PARD3: variants seen among roughly 807,000 people sequenced by gnomAD.
PARD3 encodes the protein partitioning defective 3 homolog.
Under a neutral mutation model 155.4 loss-of-function variants are expected in PARD3, and 75 were observed. The observed-to-expected ratio is 0.48, with a 90% confidence interval of 0.40 to 0.58. The LOEUF is 0.58. Ranked by LOEUF, PARD3 falls within the 20% of genes least tolerant of loss-of-function variation. The pLI is 0.00. For synonymous variants in PARD3, 576 were observed against 610.5 expected, an observed-to-expected ratio of 0.94 and a Z score of 0.83; for missense variants, 1,642 against 1,721.7, an observed-to-expected ratio of 0.95 and a Z score of 0.82.
At chr10:34,612,057 A>G (rs1277754597) in intron 2 of PARD3, among the ~76,000 whole-genome samples, 1 of 150,262 alleles carries the variant, frequency 6.7e-6, no homozygotes, top group Non-Finnish European at 1.5e-5. Context: ...CGATCCCCTC[A>G]CCTCGTGATC....
At chr10:34,762,888 C>A (rs191687686) in intron 1 of PARD3, among the ~76,000 whole-genome samples, 130 of 152,332 alleles carry the variant, frequency 8.5e-4, no homozygotes, top group African/African-American at 2.8e-3. Flanking sequence ...ATATAATACA[C>A]ACCTGGTATG....
chr10:34,809,005 G>T (rs7342019), intron 1 of PARD3, among the ~76,000 whole-genome samples: 53,731 of 152,028 alleles, frequency 0.35, 10,655 homozygotes, highest in African/African-American at 0.55. Flanking sequence ...CCTCGCCCAA[G>T]GCGAATCCCA....
rs968058080 is a variant in PARD3 at position 34,790,106 on chromosome 10, G to A, written c.120+24770C>T. ...TTAATTATTGATGAATCTGGAAATTGCCTCATTTATTAAAGACTTATGTGC... is the reference window on the plus strand; with the variant it reads ...TTAATTATTGATGAATCTGGAAATTACCTCATTTATTAAAGACTTATGTGC... On this transcript the variant is annotated intron_variant, in intron 1 of 24. Transcript: ENST00000374788. Among the ~76,000 whole-genome samples the A allele has an allele frequency of 7.9e-5, 12 of 152,300 alleles. No individual in the cohort carries two copies. The South Asian group carries it at 2.5e-3, about 32-fold the overall frequency.
intron 20 of PARD3, among the ~76,000 whole-genome samples, chr10:34,305,093 G>A (rs767740969): frequency 1.2e-4 from 18 of 152,180 alleles, no homozygotes; most frequent in East Asian, 3.8e-4. Flanking sequence ...AGCAGAGACT[G>A]TAAAGTTCTT....
At chr10:34,511,211 G>A (rs958641127) in intron 3 of PARD3, among the ~76,000 whole-genome samples, 1 of 152,164 alleles carries the variant, frequency 6.6e-6, no homozygotes, top group African/African-American at 2.4e-5. Context: ...CCTGTAAATA[G>A]GCACTTGGAT....
rs115268556 is a variant in PARD3 at position 34,248,069 on chromosome 10, C to T, written c.3419+21588G>A. Among the ~76,000 whole-genome samples, 446 of 152,250 alleles carry T rather than the reference C, an allele frequency of 2.9e-3. 2 individuals are homozygous for T. Among genetic ancestry groups the T allele is most frequent in the African/African-American group, 0.01 (423 of 41,530 alleles). On this transcript the variant is annotated intron_variant, in intron 22 of 24. Transcript: ENST00000374788. The stretch of plus-strand genomic sequence containing the variant: ...AGTTGCCTACAGTTCTTTAATGCAA[C>T]AAATTTCCAATGACTGATGAAAGAT...
intron 1 of PARD3, among the ~76,000 whole-genome samples, chr10:34,748,181 T>C (rs1484045137): frequency 6.6e-6 from 1 of 152,152 alleles, no homozygotes; most frequent in Non-Finnish European, 1.5e-5. Context: ...TAGAAAGCTC[T>C]GCTCTTGGCC....
chr10:34,300,187 A>ATAG (rs1957082298), intron 20 of PARD3, among the ~76,000 whole-genome samples: 1 of 152,228 alleles, frequency 6.6e-6, no homozygotes, highest in African/African-American at 2.4e-5. Flanking sequence ...TCCACAAATC[A>ATAG]TAGTATATTA....
rs554555718 is a variant in PARD3 at position 34,563,435 on chromosome 10, C to T, written c.223-46276G>A. Among the ~76,000 whole-genome samples, 16 of 152,244 alleles carry T rather than the reference C, an allele frequency of 1.1e-4. No individual in the cohort carries two copies. In the South Asian group the frequency reaches 1.9e-3, roughly 18 times the overall value. ...AGGCTGGACTGCAGTGGCACGATCT[C>T]GGCTCACTGCAACCTCCACCTCCCG... On this transcript the variant is annotated intron_variant, in intron 2 of 24. Coordinates refer to ENST00000374788, the MANE Select transcript of PARD3 (RefSeq NM_001184785.2).
chr10:34,111,668 A>G, intron 24 of PARD3, 106 bp from the exon 25 acceptor site: 5 of 924,538 alleles, frequency 5.4e-6, no homozygotes, highest in Non-Finnish European at 8.2e-6. Context: ...TTCAACAAAT[A>G]TTCCTGTTCT....
In PARD3 at chr10:34,331,128, C is replaced by A. The variant is rs753782867; in HGVS notation, c.2822G>T (p.Gly941Val). 4 of 1,611,546 alleles carry A rather than the reference C, an allele frequency of 2.5e-6. No individual in the cohort carries two copies. The highest frequency in any genetic ancestry group is 3.4e-6 in the Non-Finnish European group (4 of 1,177,824). ...CATTATAAACTTACAGGTCTCCATG[C>A]CTTCATCATCATCATCTACCGCGGG... ...DKPAVDDDDE[G>V]METLEEDTEE... is the part of the protein sequence containing the mutation. Residue 941 changes from glycine (G) to valine (V), a missense_variant, in exon 19 of 25, where the codon GGC (glycine) becomes GTC (valine). By Grantham distance (109) the Gly-to-Val change is moderately radical. Coordinates refer to ENST00000374788, the MANE Select transcript of PARD3 (RefSeq NM_001184785.2).
chr10:34,485,741 A>G (rs557171945), intron 3 of PARD3, among the ~76,000 whole-genome samples: 1 of 152,262 alleles, frequency 6.6e-6, no homozygotes, highest in Non-Finnish European at 1.5e-5. Flanking sequence ...TTTTAATCAG[A>G]CTTAAAAAGG....
intron 3 of PARD3, among the ~76,000 whole-genome samples, chr10:34,494,772 GT>G (rs1366107811): frequency 4.2e-4 from 64 of 152,134 alleles, no homozygotes; most frequent in African/African-American, 1.5e-3. Context: ...AATAATTGTT[GT>G]TCCCCTAATC....
At chr10:34,675,485 CA>C (rs2093687938) in intron 2 of PARD3, 1 of 152,152 alleles carries the variant, frequency 6.6e-6, no homozygotes. Context: ...GCAGAAATTT[CA>C]ATCATCTATG....
chr10:34,806,693 G>A (rs930743399), intron 1 of PARD3, among the ~76,000 whole-genome samples: 5 of 152,172 alleles, frequency 3.3e-5, no homozygotes, highest in Non-Finnish European at 7.3e-5. Flanking sequence ...AGCAAGCCCC[G>A]TCATTTCAAA....
chr10:34,389,870 G>A (rs1268299845), intron 7 of PARD3, among the ~76,000 whole-genome samples: 2 of 151,682 alleles, frequency 1.3e-5, no homozygotes, highest in Middle Eastern at 3.2e-3. Flanking sequence ...AGATAAATCA[G>A]GCCAAAAAGG....
chr10:34,117,781 C>T (rs1588825047), intron 24 of PARD3, among the ~76,000 whole-genome samples: 1 of 152,154 alleles, frequency 6.6e-6, no homozygotes, highest in African/African-American at 2.4e-5. Context: ...CGAGGTGGCG[C>T]ACGCCTGTAA....
intron 22 of PARD3, among the ~76,000 whole-genome samples, chr10:34,152,617 T>C (rs1253573886): frequency 3.3e-5 from 5 of 152,250 alleles, no homozygotes; most frequent in Non-Finnish European, 5.9e-5. Flanking sequence ...ATTGCATCAT[T>C]AAGTACTTCA....
At chr10:34,582,401 G>C (rs2087572798) in intron 2 of PARD3, among the ~76,000 whole-genome samples, 1 of 152,170 alleles carries the variant, frequency 6.6e-6, no homozygotes. Flanking sequence ...GAAAATTAAA[G>C]ACAGTACAGA....
Sources: allele counts gnomAD v4.1 joint callset (sites outside exome capture counted in the v4.1 genomes callset), GRCh38; gene constraint gnomAD v4.1.1; transcripts MANE v1.5; gene names NCBI Gene and HGNC (gene_info 2026-07-23, HGNC 2026-07-21).